Variants in PKHD1L1 observed in about 807,000 individuals in gnomAD.
PKHD1L1 encodes the protein fibrocystin-L.
Under a neutral mutation model 462.9 loss-of-function variants are expected in PKHD1L1, and 434 were observed. That is an observed-to-expected ratio of 0.94 (90% CI 0.87 to 1.02). PKHD1L1 has a LOEUF of 1.02. PKHD1L1 is among the 50% of genes least tolerant of loss of function. The probability of loss-of-function intolerance (pLI) is 0.00; values close to 1 mark genes in which losing one functional copy is unlikely to be tolerated. For missense variants in PKHD1L1, 5,202 were observed against 5,096.1 expected, an observed-to-expected ratio of 1.02 and a Z score of -0.63; for synonymous variants, 1,781 against 1,750.0, an observed-to-expected ratio of 1.02 and a Z score of -0.44.
intron 48 of PKHD1L1, 108 bp from the exon 49 acceptor site, chr8:109,464,107 GA>G: frequency 1.3e-6 from 1 of 742,614 alleles, no homozygotes. Flanking sequence ...AAATTTGGAA[GA>G]AATAAATATA....
At chr8:109,369,589 T>G (rs1366496935) in intron 2 of PKHD1L1, among the ~76,000 whole-genome samples, 1 of 151,968 alleles carries the variant, frequency 6.6e-6, no homozygotes. Flanking sequence ...AGATCCATGT[T>G]ACGTATCATT....
intron 25 of PKHD1L1, among the ~76,000 whole-genome samples, chr8:109,427,563 T>C (rs1814833265): frequency 1.3e-5 from 2 of 152,096 alleles, no homozygotes; most frequent in Admixed American, 6.5e-5. Context: ...TTGGATACTT[T>C]TGTGGTTATA....
intron 1 of PKHD1L1, 81 bp downstream of exon 1, chr8:109,362,734 G>T (rs1313844685): frequency 1.4e-6 from 2 of 1,452,806 alleles, no homozygotes; most frequent in African/African-American, 1.4e-5. Flanking sequence ...CCTGGGAGAG[G>T]CAGGACCACC....
rs760482074 is a variant in PKHD1L1 at position 109,485,150 on chromosome 8, A to G, written c.9683A>G (p.Asp3228Gly). Residue 3228 changes from aspartate (D) to glycine (G), a missense_variant, in exon 58 of 78, where the codon GAT becomes GGT. By Grantham distance (94) the Asp-to-Gly change is moderately conservative. Around this residue, in one of 3 missense-constraint regions of PKHD1L1, gnomAD observed 4,497 missense variants for 4,336.8 expected, o/e 1.04. Coordinates refer to ENST00000378402, the MANE Select transcript of PKHD1L1 (RefSeq NM_177531.6). ...GATCATAAAATTCTCATTCTTAATG[A>G]TAGCCTTTCCTATACTCACTTTGGT... Reference protein sequence around the residue: ...LHDHKILILNDSLSYTHFAEK... With the variant: ...LHDHKILILNGSLSYTHFAEK... 3.1e-6 allele frequency: 5 copies of G among 1,593,244 alleles called. No homozygotes were observed. The highest frequency in any genetic ancestry group is 1.3e-5 in the African/African-American group (1 of 74,144).
At chr8:109,486,524 T>C (rs566784349) in intron 58 of PKHD1L1, 124 bp from the exon 59 acceptor site, 1 of 726,496 alleles carries the variant, frequency 1.4e-6, no homozygotes, top group South Asian at 2.5e-5. Context: ...CATGTAAATG[T>C]AATCATGCAT....
intron 41 of PKHD1L1, 21 bp downstream of exon 41, chr8:109,451,170 C>G: frequency 6.3e-7 from 1 of 1,578,844 alleles, no homozygotes; most frequent in South Asian, 1.2e-5. Context: ...CACACAAACA[C>G]GCATCATTGT....
intron 43 of PKHD1L1, 136 bp from the exon 44 acceptor site, chr8:109,454,031 C>A (rs1816683103): frequency 2.0e-6 from 1 of 501,824 alleles, no homozygotes; most frequent in Non-Finnish European, 3.5e-6. Context: ...ATAACAACAG[C>A]AGAACATGAA....
At chr8:109,458,264 C>A (rs1264037032) in intron 46 of PKHD1L1, among the ~76,000 whole-genome samples, 1 of 152,026 alleles carries the variant, frequency 6.6e-6, no homozygotes, top group Non-Finnish European at 1.5e-5. Flanking sequence ...TTTTGGTCTG[C>A]CCTTGGCATG....
At chr8:109,394,258 C>T (rs117931555) in intron 9 of PKHD1L1, among the ~76,000 whole-genome samples, 157 bp from the exon 10 acceptor site, 4,076 of 150,606 alleles carry the variant, frequency 0.027, 81 homozygotes, top group Non-Finnish European at 0.043. Flanking sequence ...ACATATGTCA[C>T]CAACAACCAA....
Position 109,406,398 on chromosome 8 carries a change from T to C in PKHD1L1, c.1733T>C (p.Ile578Thr). The C allele has an allele frequency of 6.3e-7, 1 of 1,578,248 alleles. No homozygotes were observed. Among genetic ancestry groups the C allele is most frequent in the South Asian group, 1.2e-5 (1 of 85,998 alleles). ...TCAGCCTTGAATGACCTCTGGTCTA[T>C]AAAACCGGACACAGTTCAAGTAATA... ...LQSALNDLWS[I>T]KPDTVQVIRT... The change falls in exon 17 of 78, where the codon ATA becomes ACA. Residue 578 changes from isoleucine (I) to threonine (T), a missense_variant. By Grantham distance (89) the Ile-to-Thr change is moderately conservative (BLOSUM62 -1). Transcript: ENST00000378402.
intron 71 of PKHD1L1, among the ~76,000 whole-genome samples, chr8:109,511,832 T>G (rs923340807): frequency 2.0e-5 from 3 of 152,134 alleles, no homozygotes; most frequent in African/African-American, 7.2e-5. Context: ...GTGTTCCTAT[T>G]TCTCCACAAC....
At chr8:109,494,055 G>A (rs1052676531) in intron 63 of PKHD1L1, among the ~76,000 whole-genome samples, 4 of 151,746 alleles carry the variant, frequency 2.6e-5, no homozygotes, top group African/African-American at 7.3e-5. Flanking sequence ...TAAAAAAACG[G>A]CACTTATTAT....
At chr8:109,440,890 T>C (rs199677679) in intron 33 of PKHD1L1, 38 bp downstream of exon 33, 2 of 1,596,712 alleles carry the variant, frequency 1.3e-6, no homozygotes, top group African/African-American at 1.3e-5. Flanking sequence ...TTATCATTTT[T>C]CTCAGCTTAA....
chr8:109,523,518 T>C (rs1015364239), intron 76 of PKHD1L1, 132 bp downstream of exon 76: 1 of 854,490 alleles, frequency 1.2e-6, no homozygotes, highest in Admixed American at 3.2e-5. Context: ...ATATTTTGCC[T>C]TGTTTCAGAA....
In PKHD1L1 at chr8:109,430,000, C is replaced by A. The variant is rs746436428; in HGVS notation, c.3192C>A (p.Asn1064Lys). Residue 1064 changes from asparagine to lysine, a missense_variant, in exon 27 of 78, where the codon AAC (asparagine) becomes AAA (lysine). Asn to Lys is a moderately conservative substitution (Grantham distance 94, BLOSUM62 0). This residue lies in a region of PKHD1L1 where 4,497 missense variants were observed against 4,336.8 expected (regional missense o/e 1.04). Coordinates refer to ENST00000378402, the MANE Select transcript of PKHD1L1 (RefSeq NM_177531.6). ...SGDCGFTWDS[N>K]ITPLVLAISP... Reference sequence around the variant, plus strand: ...ACTGTGGATTTACATGGGATTCCAACATTACTCCCCTAGTCTTGGCGATAA... The same window carrying A: ...ACTGTGGATTTACATGGGATTCCAAAATTACTCCCCTAGTCTTGGCGATAA... The A allele has an allele frequency of 6.2e-7, 1 of 1,611,680 alleles. No individual in the cohort carries two copies. The highest frequency in any genetic ancestry group is 1.1e-5 in the South Asian group (1 of 90,644).
At chr8:109,501,965 C>T (rs1301741678) in intron 67 of PKHD1L1, among the ~76,000 whole-genome samples, 1 of 152,074 alleles carries the variant, frequency 6.6e-6, no homozygotes, top group Admixed American at 6.6e-5. Flanking sequence ...CCATATTTAT[C>T]CTTACCTTAG....
intron 24 of PKHD1L1, 61 bp from the exon 25 acceptor site, chr8:109,426,941 C>T (rs1814782097): frequency 8.3e-6 from 8 of 967,026 alleles, no homozygotes; most frequent in Admixed American, 3.6e-5. Context: ...GCGTGAACCA[C>T]CACATCCGGC....
chr8:109,383,979 T>TTGAAATTTAGTAATGTAAGAAATTATC, intron 4 of PKHD1L1, 91 bp from the exon 5 acceptor site: 1 of 865,382 alleles, frequency 1.2e-6, no homozygotes, highest in East Asian at 2.4e-5. Context: ...ATGAATATTG[T>TTGAAATTTAGTAATGTAAGAAATTATC]TGAAATTTAG....
intron 12 of PKHD1L1, among the ~76,000 whole-genome samples, chr8:109,398,794 T>C (rs936211205): frequency 6.6e-6 from 1 of 152,112 alleles, no homozygotes; most frequent in African/African-American, 2.4e-5. Flanking sequence ...AAATAGCACA[T>C]CTCTACTGAC....
Sources: gnomAD v4.1 joint callset for allele counts (sites outside exome capture counted in the v4.1 genomes callset) on GRCh38, gnomAD v4.1.1 for gene constraint, gnomAD v4.1.1 regional missense constraint, MANE v1.5 for transcripts, NCBI Gene and HGNC (gene_info 2026-07-23, HGNC 2026-07-21) for gene names.